WWOX: variants seen among roughly 807,000 people sequenced by gnomAD.
The protein encoded by WWOX is WW domain containing oxidoreductase, also known as WW domain-containing oxidoreductase.
WWOX carries 69 observed loss-of-function variants against 46.2 expected under a neutral mutation model. The observed-to-expected ratio is 1.49, with a 90% CI of 1.23 to 1.82. WWOX has a LOEUF of 1.82. WWOX is among the 40% of genes most tolerant of loss of function. The probability of loss-of-function intolerance (pLI) is 0.00; values close to 1 mark genes in which losing one functional copy is unlikely to be tolerated. For missense variants in WWOX, 919 were observed against 542.6 expected (o/e 1.69, Z -6.89); for synonymous variants, 359 against 202.6 (o/e 1.77, Z -6.56).
chr16:78,838,355 C>T (rs1157133943), intron 8 of WWOX, among the ~76,000 whole-genome samples: 6 of 152,144 alleles, frequency 3.9e-5, no homozygotes, highest in Non-Finnish European at 7.3e-5. Flanking sequence ...GCTTTAGGCG[C>T]TCCTGCATGT....
At chr16:79,155,573 G>C (rs1443686091) in intron 8 of WWOX, among the ~76,000 whole-genome samples, 1 of 152,116 alleles carries the variant, frequency 6.6e-6, no homozygotes, top group Non-Finnish European at 1.5e-5. Context: ...GGCTGGATTT[G>C]GCCAAGTTGA....
chr16:78,131,628 A>C (rs1358392704), intron 4 of WWOX, among the ~76,000 whole-genome samples: 1 of 150,676 alleles, frequency 6.6e-6, no homozygotes, highest in Non-Finnish European at 1.5e-5. Context: ...GTCGCCCAGG[A>C]TGGAGTGCAA....
At chr16:78,809,775 A>AG (rs2051139954) in intron 8 of WWOX, among the ~76,000 whole-genome samples, 1 of 152,164 alleles carries the variant, frequency 6.6e-6, no homozygotes, top group South Asian at 2.1e-4. Context: ...GGAAGAAGGA[A>AG]GGGGAGGATA....
intron 8 of WWOX, among the ~76,000 whole-genome samples, chr16:78,774,742 A>G (rs928690748): frequency 1.1e-4 from 16 of 152,046 alleles, no homozygotes; most frequent in Admixed American, 7.2e-4. Flanking sequence ...ATACACACAC[A>G]TGGGCACATA....
chr16:79,134,956 G>A (rs2049954805), intron 8 of WWOX, among the ~76,000 whole-genome samples: 1 of 152,184 alleles, frequency 6.6e-6, no homozygotes, highest in Non-Finnish European at 1.5e-5. Flanking sequence ...TGTGTTTGCA[G>A]ACAGGAGCTA....
chr16:78,414,414 C>G (rs370440212), intron 6 of WWOX, among the ~76,000 whole-genome samples: 5 of 152,102 alleles, frequency 3.3e-5, no homozygotes, highest in African/African-American at 7.2e-5. Flanking sequence ...ACTAAAAATA[C>G]AAAAATTAGC....
At chr16:78,837,026 C>T (rs1221871489) in intron 8 of WWOX, among the ~76,000 whole-genome samples, 4 of 152,060 alleles carry the variant, frequency 2.6e-5, no homozygotes, top group Admixed American at 6.5e-5. Flanking sequence ...TCATCCCACA[C>T]AATGGAAACC....
At chr16:78,777,889 A>T (rs1159909019) in intron 8 of WWOX, among the ~76,000 whole-genome samples, 1 of 152,036 alleles carries the variant, frequency 6.6e-6, no homozygotes, top group Admixed American at 6.6e-5. Context: ...TACAAAAAAT[A>T]TAAAAATGAG....
chr16:78,847,939 G>A (rs540719100), intron 8 of WWOX, among the ~76,000 whole-genome samples: 11 of 152,056 alleles, frequency 7.2e-5, no homozygotes, highest in Admixed American at 3.3e-4. Flanking sequence ...ACCACTGCAC[G>A]AACAACCCTG....
Position 78,212,988 on chromosome 16 carries a change from A to C in WWOX, c.516+48699A>C, listed in dbSNP as rs989166111. Among the ~76,000 whole-genome samples, 5 of 152,152 alleles carry C rather than the reference A, an allele frequency of 3.3e-5. No homozygotes were observed. The East Asian group carries it at 9.7e-4, about 30-fold the overall frequency. On this transcript the variant is annotated intron_variant, in intron 5 of 8. Transcript: ENST00000566780. ...TCATTCATGGATCTGGCTGGGCCCG[A>C]TGCCTCACACCTGTAATCCCAGCAA... is the stretch of plus-strand genomic sequence containing the variant.
intron 8 of WWOX, among the ~76,000 whole-genome samples, chr16:78,923,754 G>C (rs2045432812): frequency 6.7e-6 from 1 of 148,676 alleles, no homozygotes; most frequent in Non-Finnish European, 1.5e-5. Context: ...AGTTTCACAA[G>C]TGATGATCTG....
chr16:78,487,031 CAT>C (rs1440652098), intron 8 of WWOX, among the ~76,000 whole-genome samples: 4 of 152,188 alleles, frequency 2.6e-5, no homozygotes, highest in Admixed American at 1.3e-4. Context: ...CGAGCAGACA[CAT>C]GTACCCTGCT....
intron 5 of WWOX, among the ~76,000 whole-genome samples, chr16:78,214,752 A>G (rs1170571273): frequency 6.6e-6 from 1 of 151,738 alleles, no homozygotes; most frequent in African/African-American, 2.4e-5. Flanking sequence ...CTTTGATTTT[A>G]TGTCTTTATT....
intron 8 of WWOX, among the ~76,000 whole-genome samples, chr16:78,914,577 G>A (rs2045197806): frequency 6.6e-6 from 1 of 151,890 alleles, no homozygotes; most frequent in South Asian, 2.1e-4. Flanking sequence ...TTTAGGCACT[G>A]TGAGTATAAG....
At chr16:78,989,535 C>G (rs367582577) in intron 8 of WWOX, among the ~76,000 whole-genome samples, 1 of 152,078 alleles carries the variant, frequency 6.6e-6, no homozygotes, top group African/African-American at 2.4e-5. Context: ...GCAGTGGACT[C>G]CTGTGTGGTT....
chr16:79,212,148 C>T lies in WWOX; in HGVS notation c.*352C>T, dbSNP rs1567626220. On this transcript the variant is annotated 3_prime_UTR_variant, in exon 9 of 9. Transcript: ENST00000566780. ...AGAATAGCCTGAGGTCCCCTCGTCC[C>T]ATCCAGCTACCACCACGGCCACCAC... The T allele has an allele frequency of 6.6e-7, 1 of 1,511,950 alleles. No individual in the cohort carries two copies. 93.7% of individuals were successfully genotyped at this position (1,511,950 alleles called of 1,614,324 possible).
At chr16:78,890,498 T>G (rs1009428211) in intron 8 of WWOX, 2 of 152,246 alleles carry the variant, frequency 1.3e-5, no homozygotes, top group African/African-American at 4.8e-5. Flanking sequence ...CTGTCTGAAC[T>G]GGGCAAGCCT....
intron 8 of WWOX, among the ~76,000 whole-genome samples, chr16:79,136,013 T>G (rs2049974970): frequency 6.6e-6 from 1 of 152,246 alleles, no homozygotes; most frequent in South Asian, 2.1e-4. Flanking sequence ...GTTTGCAACC[T>G]TGTAATTTTT....
chr16:78,365,963 G>A (rs940752169), intron 5 of WWOX, among the ~76,000 whole-genome samples: 2 of 152,156 alleles, frequency 1.3e-5, no homozygotes, highest in Non-Finnish European at 2.9e-5. Context: ...ATGCCCATGT[G>A]CCAGGTGGCC....
Sources: allele counts gnomAD v4.1 joint callset (sites outside exome capture counted in the v4.1 genomes callset), GRCh38; gene constraint gnomAD v4.1.1; transcripts MANE v1.5; gene names NCBI Gene and HGNC (gene_info 2026-07-23, HGNC 2026-07-21).